The following COX7B2 variants were observed in gnomAD, a reference collection of about 807,000 sequenced individuals.
COX7B2 encodes cytochrome c oxidase subunit 7B2.
For synonymous variants in COX7B2, 37 were observed against 32.1 expected, an observed-to-expected ratio of 1.15 and a Z score of -0.51; for missense variants, 109 against 95.9, an observed-to-expected ratio of 1.14 and a Z score of -0.57.
chr4:46,803,489 T>C (rs1209760053), intron 2 of COX7B2, among the ~76,000 whole-genome samples: 1 of 152,180 alleles, frequency 6.6e-6, no homozygotes, highest in Non-Finnish European at 1.5e-5. Flanking sequence ...AAATATTTCA[T>C]TAGTCATATT....
chr4:46,755,124 T>C (rs982482501), intron 2 of COX7B2, among the ~76,000 whole-genome samples: 1 of 151,926 alleles, frequency 6.6e-6, no homozygotes, highest in Non-Finnish European at 1.5e-5. Context: ...GAGTAAAGGA[T>C]GGTTCAATAT....
chr4:46,752,181 T>C (rs1363943769), intron 2 of COX7B2, among the ~76,000 whole-genome samples: 2 of 152,142 alleles, frequency 1.3e-5, no homozygotes, highest in Non-Finnish European at 2.9e-5. Flanking sequence ...TTTGAAGCAA[T>C]TGTGAATGGG....
intron 2 of COX7B2, among the ~76,000 whole-genome samples, chr4:46,748,772 C>T (rs1340397605): frequency 6.6e-6 from 1 of 152,130 alleles, no homozygotes; most frequent in African/African-American, 2.4e-5. Context: ...TTTACAAACT[C>T]ATCTTCTAAC....
Position 46,836,592 on chromosome 4 carries a change from TA to T in COX7B2, c.-50+8367del, listed in dbSNP as rs532024563. On this transcript the variant is annotated intron_variant, in intron 2 of 2. Transcript: ENST00000355591. The stretch of plus-strand genomic sequence containing the variant: ...CTGAGGCTGTTCTACAGTTAAATTT[TA>T]AAAAAAAAAAGAAGGAGCACAAGCT... Among the ~76,000 whole-genome samples, 720 of 143,002 alleles carry T rather than the reference TA, an allele frequency of 5.0e-3. 6 individuals carry two copies. The highest frequency in any genetic ancestry group is 0.016 in the African/African-American group (606 of 38,536). 93.8% of individuals were successfully genotyped at this position (143,002 alleles called of 152,430 possible). A position where few individuals can be genotyped will look rare whatever the true frequency, so the allele number is the denominator to read the frequency against.
At chr4:46,858,731 C>A (rs1180980094) in intron 1 of COX7B2, among the ~76,000 whole-genome samples, 1 of 152,090 alleles carries the variant, frequency 6.6e-6, no homozygotes, top group Non-Finnish European at 1.5e-5. Flanking sequence ...TGGCATTTGC[C>A]TGAGTCATAG....
chr4:46,765,339 G>A (rs1459441185), intron 2 of COX7B2, among the ~76,000 whole-genome samples: 3 of 152,132 alleles, frequency 2.0e-5, no homozygotes, highest in Non-Finnish European at 2.9e-5. Context: ...GGAGAGTGAA[G>A]TGAGTACTCA....
At chr4:46,804,878 G>A (rs1450570408) in intron 2 of COX7B2, among the ~76,000 whole-genome samples, 1 of 152,202 alleles carries the variant, frequency 6.6e-6, no homozygotes, top group Admixed American at 6.5e-5. Context: ...CGTGGAGCAG[G>A]GGGCTGTGCA....
rs191393379 is a variant in COX7B2 at position 46,835,823 on chromosome 4, C to T, written c.-50+9137G>A. On this transcript the variant is annotated intron_variant, in intron 2 of 2. Coordinates refer to ENST00000355591, the MANE Select transcript of COX7B2 (RefSeq NM_130902.3). ...AAAATCATAAAGTGTATTTACACAG[C>T]CTCAATCATACAGCCTACTACACAT... 3.3e-5 allele frequency among the ~76,000 whole-genome samples: 5 copies of T among 152,244 alleles called. No individual in the cohort carries two copies. In the East Asian group the frequency reaches 9.6e-4, roughly 29 times the overall value.
intron 1 of COX7B2, among the ~76,000 whole-genome samples, chr4:46,905,841 G>A (rs1344691136): frequency 1.1e-3 from 2 of 1,896 alleles, no homozygotes; most frequent in Admixed American, 3.8e-3. Flanking sequence ...TTTTTTTTTT[G>A]AGACGGAGTC....
At chr4:46,881,956 C>A (rs1718774815) in intron 1 of COX7B2, among the ~76,000 whole-genome samples, 1 of 152,132 alleles carries the variant, frequency 6.6e-6, no homozygotes, top group African/African-American at 2.4e-5. Flanking sequence ...TCCCTCTTAA[C>A]ACTGACTTCT....
At chr4:46,825,524 A>C (rs1714624140) in intron 2 of COX7B2, among the ~76,000 whole-genome samples, 1 of 152,194 alleles carries the variant, frequency 6.6e-6, no homozygotes, top group African/African-American at 2.4e-5. Context: ...AGAACTAGAA[A>C]AAAACTATAT....
chr4:46,861,870 G>A (rs1369110850), intron 1 of COX7B2, among the ~76,000 whole-genome samples: 1 of 152,132 alleles, frequency 6.6e-6, no homozygotes, highest in Non-Finnish European at 1.5e-5. Context: ...TGATTCTGAA[G>A]AGAGATCCTG....
intron 2 of COX7B2, among the ~76,000 whole-genome samples, chr4:46,838,323 G>T (rs1715676520): frequency 6.6e-6 from 1 of 151,888 alleles, no homozygotes; most frequent in African/African-American, 2.4e-5. Context: ...TATTATAAGT[G>T]ATCTAATATA....
rs541465314 is a variant in COX7B2 at position 46,908,425 on chromosome 4, T to C, written c.-105+735A>G. On this transcript the variant is annotated intron_variant, in intron 1 of 2. Coordinates refer to ENST00000355591, the MANE Select transcript of COX7B2 (RefSeq NM_130902.3). ...TGTTTGCTGAGTCCCTCAAAGCTTA[T>C]TGGCTTTTGCTCACAGCCCAAGGTA... Among the ~76,000 whole-genome samples, 7 of 152,258 alleles carry C rather than the reference T, an allele frequency of 4.6e-5. 1 individual carries two copies. The East Asian group carries it at 9.7e-4, about 21-fold the overall frequency.
At chr4:46,818,759 GCA>G (rs894978309) in intron 2 of COX7B2, among the ~76,000 whole-genome samples, 42 of 152,186 alleles carry the variant, frequency 2.8e-4, no homozygotes, top group African/African-American at 1.0e-3. Context: ...CTTTGGCATG[GCA>G]CACACATGAG....
intron 1 of COX7B2, among the ~76,000 whole-genome samples, chr4:46,906,866 G>T (rs1252722599): frequency 6.6e-6 from 1 of 152,118 alleles, no homozygotes; most frequent in East Asian, 1.9e-4. Flanking sequence ...TGCCCCTCTT[G>T]CTTGAGCCTT....
chr4:46,754,813 A>G (rs1305021089), intron 2 of COX7B2, among the ~76,000 whole-genome samples: 1 of 147,764 alleles, frequency 6.8e-6, no homozygotes, highest in Middle Eastern at 3.3e-3. Context: ...AAAATTTCTC[A>G]CCAACAAGAA....
Position 46,735,015 on chromosome 4 carries a change from G to T in COX7B2, c.178C>A (p.Gln60Lys). The T allele has an allele frequency of 1.2e-6, 2 of 1,613,980 alleles. No individual in the cohort carries two copies. Among genetic ancestry groups the T allele is most frequent in the Non-Finnish European group, 1.7e-6 (2 of 1,179,902 alleles). The change falls in exon 3 of 3, where the codon CAG becomes AAG. Residue 60 changes from glutamine (Q) to lysine (K), a missense_variant. Physicochemically the swap from Gln to Lys is moderately conservative, Grantham distance 53. Coordinates refer to ENST00000355591, the MANE Select transcript of COX7B2 (RefSeq NM_130902.3). ...CVATWVFTAT[Q>K]IGIEWNLSPV... The stretch of plus-strand genomic sequence containing the variant: ...GATAGGTTCCATTCTATTCCAATCT[G>T]AGTGGCTGTAAACACCCATGTAGCA...
At chr4:46,828,271 CAAAA>C (rs1366336051) in intron 2 of COX7B2, among the ~76,000 whole-genome samples, 1 of 151,636 alleles carries the variant, frequency 6.6e-6, no homozygotes, top group Non-Finnish European at 1.5e-5. Flanking sequence ...TTCTGAAAAA[CAAAA>C]AAGAAAAACA....
Sources: allele counts gnomAD v4.1 joint callset (sites outside exome capture counted in the v4.1 genomes callset), GRCh38; gene constraint gnomAD v4.1.1; transcripts MANE v1.5; gene names NCBI Gene and HGNC (gene_info 2026-07-23, HGNC 2026-07-21).